Variants in SLA observed in about 807,000 individuals in gnomAD.
SLA encodes Src like adaptor.
A neutral mutation model predicts 30.3 loss-of-function variants in SLA; 16 were observed. The ratio of observed to expected loss-of-function variants is 0.53; its 90% CI spans 0.36 to 0.80. SLA has a LOEUF of 0.80. Among genes scored for constraint, SLA ranks in the 30% least tolerant of loss-of-function variants. The probability of loss-of-function intolerance (pLI) is 0.01; values close to 1 mark genes in which losing one functional copy is unlikely to be tolerated. For missense variants in SLA, 310 were observed against 345.2 expected, an observed-to-expected ratio of 0.90 and a Z score of 0.81; for synonymous variants, 143 against 137.8, an observed-to-expected ratio of 1.04 and a Z score of -0.26.
intron 1 of SLA, among the ~76,000 whole-genome samples, chr8:133,083,672 A>G (rs2739169): frequency 0.76 from 116,087 of 152,124 alleles, 45,168 homozygotes; most frequent in African/African-American, 0.89. Context: ...AAAGCCCATG[A>G]TCTCTCTATT....
intron 2 of SLA, among the ~76,000 whole-genome samples, chr8:133,070,601 C>T (rs1376902499): frequency 6.6e-6 from 1 of 152,204 alleles, no homozygotes; most frequent in Admixed American, 6.5e-5. Context: ...AAGTAATTTG[C>T]TCAGAGTTAC....
chr8:133,063,988 A>G (rs1265736637), intron 2 of SLA: 1 of 152,236 alleles, frequency 6.6e-6, no homozygotes, highest in Non-Finnish European at 1.5e-5. Flanking sequence ...TAAGAACAAT[A>G]GAAAAGGGCA....
intron 1 of SLA, among the ~76,000 whole-genome samples, chr8:133,092,134 A>G (rs1474642727): frequency 6.6e-6 from 1 of 152,122 alleles, no homozygotes; most frequent in Non-Finnish European, 1.5e-5. Flanking sequence ...AGAGAATCCT[A>G]ACTCCCAGGA....
intron 7 of SLA, among the ~76,000 whole-genome samples, chr8:133,043,941 C>T (rs999416590): frequency 1.3e-5 from 2 of 152,190 alleles, no homozygotes; most frequent in African/African-American, 2.4e-5. Context: ...CAATGTTCCG[C>T]TGGGTAAAAG....
chr8:133,048,492 AT>A (rs1213519993), intron 5 of SLA: 1 of 155,946 alleles, frequency 6.4e-6, no homozygotes, highest in Non-Finnish European at 1.4e-5. Context: ...AAGTGCTGGG[AT>A]TACAGGCGTG....
intron 6 of SLA, among the ~76,000 whole-genome samples, chr8:133,046,257 C>T (rs2131164622): frequency 6.6e-6 from 1 of 152,332 alleles, no homozygotes; most frequent in African/African-American, 2.4e-5. Flanking sequence ...CAGGGCTAAG[C>T]AATTGCCATG....
intron 1 of SLA, among the ~76,000 whole-genome samples, chr8:133,098,673 C>A (rs1848802826): frequency 6.6e-6 from 1 of 152,174 alleles, no homozygotes; most frequent in African/African-American, 2.4e-5. Context: ...CTAGAAAGGG[C>A]TGATGGGGCT....
intron 2 of SLA, among the ~76,000 whole-genome samples, chr8:133,071,732 C>T (rs766561046): frequency 6.6e-5 from 10 of 152,160 alleles, no homozygotes; most frequent in Admixed American, 2.6e-4. Flanking sequence ...ATGAAACCGA[C>T]TGCACTGACT....
chr8:133,058,305 G>T (rs1480110590), intron 3 of SLA, among the ~76,000 whole-genome samples: 1 of 152,108 alleles, frequency 6.6e-6, no homozygotes, highest in Non-Finnish European at 1.5e-5. Context: ...CACAAACGGG[G>T]TATGACCAGG....
chr8:133,063,367 A>T (rs960424339), intron 2 of SLA, among the ~76,000 whole-genome samples: 2 of 151,964 alleles, frequency 1.3e-5, no homozygotes, highest in Admixed American at 6.6e-5. Flanking sequence ...CTTTATGTCA[A>T]CCATTCCAGA....
intron 7 of SLA, among the ~76,000 whole-genome samples, chr8:133,041,627 C>T (rs1400836961): frequency 2.6e-5 from 4 of 152,106 alleles, no homozygotes; most frequent in African/African-American, 4.8e-5. Context: ...GGGGACACTC[C>T]GTGAGTGTCC....
intron 3 of SLA, among the ~76,000 whole-genome samples, chr8:133,057,273 T>TA (rs1201248952): frequency 6.6e-6 from 1 of 152,068 alleles, no homozygotes; most frequent in Admixed American, 6.6e-5. Context: ...AAGGTGGAAA[T>TA]ATGCCATTTC....
chr8:133,060,401 A>G (rs1163386072), intron 2 of SLA: 2 of 1,512,330 alleles, frequency 1.3e-6, no homozygotes, highest in Non-Finnish European at 1.8e-6. Flanking sequence ...GAATGACAGA[A>G]AAACCACAGA....
chr8:133,066,217 T>C (rs1843012184), intron 2 of SLA, among the ~76,000 whole-genome samples: 1 of 150,784 alleles, frequency 6.6e-6, no homozygotes, highest in Non-Finnish European at 1.5e-5. Flanking sequence ...TCCCAGCTAC[T>C]TGGGAGGCTG....
chr8:133,092,297 C>T (rs941471284), intron 1 of SLA, among the ~76,000 whole-genome samples: 7 of 152,188 alleles, frequency 4.6e-5, no homozygotes, highest in Admixed American at 3.9e-4. Flanking sequence ...TTACCATGTT[C>T]GGAGGCCCGA....
chr8:133,075,886 C>T (rs141157289), intron 1 of SLA: 1 of 152,262 alleles, frequency 6.6e-6, no homozygotes, highest in African/African-American at 2.4e-5. Flanking sequence ...CATTGTTCTA[C>T]TCTTGCAAGT....
At chr8:133,041,111 T>G (rs2131087064) in intron 7 of SLA, among the ~76,000 whole-genome samples, 1 of 152,338 alleles carries the variant, frequency 6.6e-6, no homozygotes, top group East Asian at 1.9e-4. Context: ...TTACTCAGGC[T>G]GAAAACCCCA....
chr8:133,096,080 C>A (rs968751251), intron 1 of SLA: 1 of 1,193,298 alleles, frequency 8.4e-7, no homozygotes. Context: ...TTGTCCTGGT[C>A]ACTTTTTCTC....
At chr8:133,077,753 GTGTGTGTGTGTGTTTGTA>G in intron 1 of SLA, among the ~76,000 whole-genome samples, 1 of 151,512 alleles carries the variant, frequency 6.6e-6, no homozygotes, top group East Asian at 1.9e-4. Context: ...GTGTGTGTGT[GTGTGTGTGTGTGTTTGTA>G]TGTGTGTGTG....
Sources: allele counts gnomAD v4.1 joint callset (sites outside exome capture counted in the v4.1 genomes callset), GRCh38; gene constraint gnomAD v4.1.1; transcripts MANE v1.5; gene names NCBI Gene and HGNC (gene_info 2026-07-23, HGNC 2026-07-21).